The following CDKAL1 variants were observed in gnomAD, a reference collection of about 807,000 sequenced individuals.
The protein encoded by CDKAL1 is threonylcarbamoyladenosine tRNA methylthiotransferase.
A neutral mutation model predicts 68.2 loss-of-function variants in CDKAL1; 32 were observed. That is an observed-to-expected ratio of 0.47 (90% CI 0.35 to 0.63). CDKAL1 has a LOEUF of 0.63. Ranked by LOEUF, CDKAL1 falls within the 30% of genes least tolerant of loss-of-function variation. CDKAL1 has a pLI of 0.00. For synonymous variants in CDKAL1, 234 were observed against 244.3 expected, an observed-to-expected ratio of 0.96 and a Z score of 0.39; for missense variants, 606 against 696.7, an observed-to-expected ratio of 0.87 and a Z score of 1.47.
chr6:20,955,429 T>C lies in CDKAL1; in HGVS notation c.753T>C (p.Cys251=). The C allele has an allele frequency of 6.2e-7, 1 of 1,613,748 alleles. No homozygotes were observed. Among genetic ancestry groups the C allele is most frequent in the South Asian group, 1.1e-5 (1 of 91,060 alleles). Residue 251 remains cysteine, a synonymous_variant, in exon 10 of 16, where the codon TGT becomes TGC. Transcript: ENST00000274695. ...TCTTTTGATTCACAGAGGGTGTTTG[T>C]GAGATATGGTTGACCAGTGAAGACA... is the stretch of plus-strand genomic sequence containing the variant. ...RAKQSFQEGV[C]EIWLTSEDTG... is the part of the protein sequence containing the mutation.
At chr6:20,953,867 A>C (rs1764655350) in intron 9 of CDKAL1, among the ~76,000 whole-genome samples, 1 of 152,150 alleles carries the variant, frequency 6.6e-6, no homozygotes, top group South Asian at 2.1e-4. Context: ...AATACTACTA[A>C]TTTTCAGATG....
chr6:21,077,503 A>C (rs543192100), intron 12 of CDKAL1, among the ~76,000 whole-genome samples: 17 of 152,360 alleles, frequency 1.1e-4, no homozygotes, highest in Admixed American at 7.8e-4. Flanking sequence ...AATTGTGCTC[A>C]TGGTTCTGCA....
intron 7 of CDKAL1, among the ~76,000 whole-genome samples, chr6:20,776,168 C>A (rs1027562467): frequency 6.6e-6 from 1 of 152,114 alleles, no homozygotes; most frequent in Non-Finnish European, 1.5e-5. Context: ...TTACTGGAGT[C>A]GCAGCAGGAT....
At chr6:20,596,530 C>G (rs1765832268) in intron 4 of CDKAL1, among the ~76,000 whole-genome samples, 1 of 152,180 alleles carries the variant, frequency 6.6e-6, no homozygotes, top group Non-Finnish European at 1.5e-5. Context: ...GCTTGAGTGT[C>G]CCAGGTCAAC....
chr6:21,073,273 C>G (rs1771893497), intron 12 of CDKAL1, among the ~76,000 whole-genome samples: 1 of 152,140 alleles, frequency 6.6e-6, no homozygotes, highest in African/African-American at 2.4e-5. Context: ...GTGAATAAAT[C>G]TGCTATAAAC....
chr6:20,889,977 C>T (rs960055131), intron 9 of CDKAL1, among the ~76,000 whole-genome samples: 3 of 152,112 alleles, frequency 2.0e-5, no homozygotes, highest in African/African-American at 7.2e-5. Context: ...TGGTCTCACA[C>T]CCCTGGGCTC....
intron 4 of CDKAL1, among the ~76,000 whole-genome samples, chr6:20,599,057 A>T (rs1161452603): frequency 6.6e-6 from 1 of 152,080 alleles, no homozygotes; most frequent in East Asian, 1.9e-4. Context: ...ATATCTTTAC[A>T]TAGTTCAAAA....
intron 5 of CDKAL1, among the ~76,000 whole-genome samples, chr6:20,703,632 A>G (rs16884140): frequency 0.015 from 2,282 of 152,274 alleles, 49 homozygotes; most frequent in African/African-American, 0.052. Context: ...CAATTGAGCT[A>G]TAATTTTAGT....
chr6:21,078,778 C>A lies in CDKAL1; in HGVS notation c.1236+13550C>A, dbSNP rs189369043. The stretch of plus-strand genomic sequence containing the variant: ...GCATTTAAGCCTCTCTTCAGCCTTC[C>A]CTGATCATCCCTGGCTTGGATGATC... On this transcript the variant is annotated intron_variant, in intron 12 of 15. Transcript: ENST00000274695. 2.7e-3 allele frequency among the ~76,000 whole-genome samples: 407 copies of A among 152,266 alleles called. 3 individuals are homozygous for A. Among genetic ancestry groups the A allele is most frequent in the Non-Finnish European group, 4.4e-3 (301 of 68,026 alleles).
intron 11 of CDKAL1, among the ~76,000 whole-genome samples, chr6:21,012,542 A>T (rs970762303): frequency 6.6e-6 from 1 of 152,222 alleles, no homozygotes; most frequent in Non-Finnish European, 1.5e-5. Flanking sequence ...ATAAAATAGA[A>T]TGGAAATAAG....
intron 5 of CDKAL1, among the ~76,000 whole-genome samples, chr6:20,698,762 A>G (rs1382117434): frequency 6.6e-6 from 1 of 152,212 alleles, no homozygotes; most frequent in African/African-American, 2.4e-5. Context: ...GGTAAAATTT[A>G]AAGGAGTCAG....
chr6:20,555,796 G>A (rs183258492), intron 4 of CDKAL1, among the ~76,000 whole-genome samples: 3,361 of 151,462 alleles, frequency 0.022, 130 homozygotes, highest in African/African-American at 0.076. Flanking sequence ...CTAATTTTTT[G>A]TATTTTTAGT....
chr6:20,615,528 CA>C (rs1204118131), intron 4 of CDKAL1, among the ~76,000 whole-genome samples: 1 of 12,030 alleles, frequency 8.3e-5, no homozygotes, highest in Non-Finnish European at 1.5e-4. Flanking sequence ...CTCTGATGGC[CA>C]GTGATGATGA....
chr6:20,895,932 C>G (rs908129432), intron 9 of CDKAL1, among the ~76,000 whole-genome samples: 2 of 152,044 alleles, frequency 1.3e-5, no homozygotes, highest in African/African-American at 2.4e-5. Context: ...ACTGCAGCCT[C>G]TGATATGCCA....
intron 2 of CDKAL1, among the ~76,000 whole-genome samples, chr6:20,545,553 C>T (rs1248518375): frequency 6.6e-6 from 1 of 152,152 alleles, no homozygotes; most frequent in East Asian, 1.9e-4. Flanking sequence ...TCTCCTTCCT[C>T]AGCCTCCCAA....
intron 11 of CDKAL1, among the ~76,000 whole-genome samples, chr6:21,004,216 T>A (rs773107823): frequency 6.6e-6 from 1 of 152,210 alleles, no homozygotes; most frequent in Non-Finnish European, 1.5e-5. Context: ...AAAGTGGAAG[T>A]GAAATCTTTT....
chr6:20,578,621 C>T (rs13205786), intron 4 of CDKAL1, among the ~76,000 whole-genome samples: 10,173 of 152,254 alleles, frequency 0.067, 482 homozygotes, highest in African/African-American at 0.13. Context: ...TAGACTTCCA[C>T]AGCAACTCAC....
chr6:21,083,401 C>T (rs1772518919), intron 12 of CDKAL1, among the ~76,000 whole-genome samples: 1 of 152,032 alleles, frequency 6.6e-6, no homozygotes, highest in Non-Finnish European at 1.5e-5. Context: ...GTGAGATGAT[C>T]AGTTTTTAAC....
intron 13 of CDKAL1, among the ~76,000 whole-genome samples, chr6:21,125,865 C>T (rs1274854662): frequency 6.6e-6 from 1 of 152,204 alleles, no homozygotes; most frequent in Non-Finnish European, 1.5e-5. Flanking sequence ...TTCATGCGCT[C>T]CCACAATCTC....
Sources: gnomAD v4.1 joint callset for allele counts (sites outside exome capture counted in the v4.1 genomes callset) on GRCh38, gnomAD v4.1.1 for gene constraint, MANE v1.5 for transcripts, NCBI Gene and HGNC (gene_info 2026-07-23, HGNC 2026-07-21) for gene names.